DSN1: variants seen among roughly 807,000 people sequenced by gnomAD.
DSN1 encodes DSN1 component of MIS12 kinetochore complex, also known as kinetochore-associated protein DSN1 homolog.
Under a neutral mutation model 45.7 loss-of-function variants are expected in DSN1, and 31 were observed. The ratio of observed to expected loss-of-function variants is 0.68; its 90% CI spans 0.51 to 0.92. The LOEUF is 0.92. Ranked by LOEUF, DSN1 falls within the 40% of genes least tolerant of loss-of-function variation. The pLI, the probability that DSN1 is intolerant of heterozygous loss-of-function variation, is 0.00. For synonymous variants in DSN1, 134 were observed against 142.3 expected (o/e 0.94, Z 0.41); for missense variants, 394 against 414.2 (o/e 0.95, Z 0.42).
chr20:36,768,084 C>A, intron 3 of DSN1, 42 bp from the exon 4 acceptor site: 3 of 1,597,206 alleles, frequency 1.9e-6, no homozygotes, highest in Non-Finnish European at 2.6e-6. Flanking sequence ...TGGATAGTTA[C>A]ATAGTTAGCA....
intron 5 of DSN1, 78 bp from the exon 6 acceptor site, chr20:36,762,626 AAGGTAGTCTCAG>A: frequency 7.4e-7 from 1 of 1,346,506 alleles, no homozygotes; most frequent in Non-Finnish European, 1.0e-6. Context: ...AAGGTATATT[AAGGTAGTCTCAG>A]CTCTAGGTAC....
At chr20:36,765,814 T>G (rs1181296615) in intron 5 of DSN1, among the ~76,000 whole-genome samples, 2 of 136,448 alleles carry the variant, frequency 1.5e-5, no homozygotes, top group Non-Finnish European at 3.2e-5. Flanking sequence ...AAAAAAAAAT[T>G]CATTACATTA....
chr20:36,754,934 G>A, intron 9 of DSN1, 84 bp from the exon 10 acceptor site: 1 of 1,167,650 alleles, frequency 8.6e-7, no homozygotes, highest in Non-Finnish European at 1.3e-6. Context: ...CTCTTGCTCA[G>A]GAGCTCTGGG....
At chr20:36,766,735 A>C in intron 5 of DSN1, 34 bp downstream of exon 5, 1 of 1,570,752 alleles carries the variant, frequency 6.4e-7, no homozygotes. Context: ...TTGACTGCCC[A>C]GGGTCAAAGC....
intron 4 of DSN1, among the ~76,000 whole-genome samples, chr20:36,767,566 G>C (rs1248650203): frequency 2.6e-5 from 4 of 151,990 alleles, no homozygotes; most frequent in Non-Finnish European, 5.9e-5. Flanking sequence ...AGGCATTCAA[G>C]ACCAGCCTGG....
chr20:36,756,925 T>G (rs1186086000), intron 8 of DSN1, among the ~76,000 whole-genome samples: 1 of 152,196 alleles, frequency 6.6e-6, no homozygotes, highest in Non-Finnish European at 1.5e-5. Flanking sequence ...CAAACCATGC[T>G]CCTCAAAGCC....
intron 3 of DSN1, among the ~76,000 whole-genome samples, chr20:36,770,171 C>T (rs1049114926): frequency 6.6e-6 from 1 of 152,068 alleles, no homozygotes; most frequent in Non-Finnish European, 1.5e-5. Context: ...CCCAAGTGAT[C>T]CTCTTGCCTC....
At chr20:36,757,945 G>A in intron 8 of DSN1, 142 bp downstream of exon 8, 1 of 745,500 alleles carries the variant, frequency 1.3e-6, no homozygotes. Flanking sequence ...GTCAGAGAGT[G>A]CTAATACACA....
chr20:36,762,526 C>T lies in DSN1; in HGVS notation c.525G>A (p.Leu175=). The T allele has an allele frequency of 6.2e-7, 1 of 1,613,614 alleles. No individual in the cohort carries two copies. The highest frequency in any genetic ancestry group is 2.2e-5 in the East Asian group (1 of 44,850). Reference sequence around the variant, plus strand: ...TTTCCAGTCCGTCTGCAAAATGTTTCAATTCTTCAGAAAGAGAAGATGCTA... The same window carrying T: ...TTTCCAGTCCGTCTGCAAAATGTTTTAATTCTTCAGAAAGAGAAGATGCTA... The part of the protein sequence containing the change: ...RAKASSLSEE[L]KHFADGLETD... Residue 175 remains leucine (L), a synonymous_variant, in exon 6 of 11, where the codon TTG becomes TTA. Coordinates refer to ENST00000373750, the MANE Select transcript of DSN1 (RefSeq NM_001145315.2).
intron 6 of DSN1, among the ~76,000 whole-genome samples, chr20:36,760,542 A>T (rs76060786): frequency 0.028 from 4,257 of 152,302 alleles, 240 homozygotes; most frequent in African/African-American, 0.098. Flanking sequence ...CCTGAGACAC[A>T]CAGCCATTAC....
chr20:36,762,916 G>A (rs1987079035), intron 5 of DSN1, among the ~76,000 whole-genome samples: 1 of 152,050 alleles, frequency 6.6e-6, no homozygotes, highest in South Asian at 2.1e-4. Flanking sequence ...ACCATGCCCA[G>A]CTAAATTTTG....
In DSN1 at chr20:36,752,350, A is replaced by G. The variant is rs1986424386; in HGVS notation, c.*438T>C. On this transcript the variant is annotated 3_prime_UTR_variant, in exon 11 of 11. Coordinates refer to ENST00000373750, the MANE Select transcript of DSN1 (RefSeq NM_001145315.2). ...ATTACAGGCGTGAGCCATTGCGCCC[A>G]GCCTCAAAACTCTTCTACCTAAAAT... The G allele has an allele frequency of 6.5e-6, 1 of 153,834 alleles. No individual in the cohort carries two copies. The highest frequency in any genetic ancestry group is 2.4e-5 in the African/African-American group (1 of 41,472). The allele number at this position is 153,834 out of a possible 1,614,324, so 9.5% of individuals were successfully genotyped here.
chr20:36,755,569 T>G, intron 9 of DSN1, 113 bp downstream of exon 9: 1 of 1,259,914 alleles, frequency 7.9e-7, no homozygotes, highest in Non-Finnish European at 1.1e-6. Context: ...TAAGGTAGAG[T>G]TGAATATACA....
Position 36,755,714 on chromosome 20 carries a change from G to C in DSN1, c.841C>G (p.Gln281Glu). ...TCCATACAGTCAAAGACTTTGCTCT[G>C]GTTCTGTAATATTTTCTGGTAGTCA... The part of the protein sequence containing the change: ...KPDYQKILQN[Q>E]SKVFDCMELV... The change falls in exon 9 of 11, where the codon CAG (glutamine) becomes GAG (glutamate). Residue 281 changes from glutamine (Q) to glutamate (E), a missense_variant. Transcript: ENST00000373750. 1 of 1,613,896 alleles carries C rather than the reference G, an allele frequency of 6.2e-7. No homozygotes were observed. Among genetic ancestry groups the C allele is most frequent in the Non-Finnish European group, 8.5e-7 (1 of 1,179,972 alleles).
chr20:36,762,446 G>T lies in DSN1; in HGVS notation c.590+15C>A. On this transcript the variant is annotated intron_variant, in intron 6 of 10. Transcript: ENST00000373750. Reference sequence around the variant, plus strand: ...ATTCAATCATAATTTAGGACAGAAGGGGAACTGCTCTTACCCATTTGAATC... The same window carrying T: ...ATTCAATCATAATTTAGGACAGAAGTGGAACTGCTCTTACCCATTTGAATC... 1 of 1,609,340 alleles carries T rather than the reference G, an allele frequency of 6.2e-7. No individual in the cohort carries two copies. The highest frequency in any genetic ancestry group is 8.5e-7 in the Non-Finnish European group (1 of 1,177,282).
At position 36,758,697 on chromosome 20, in the gene DSN1, A is replaced by C. The variant is rs1986808428; in HGVS notation, c.591-80T>G. The stretch of plus-strand genomic sequence containing the variant: ...ATAATCGCTTATAAATTAGTTATTT[A>C]TTTATTTCAGACGGAGTTTCCCTCT... On this transcript the variant is annotated intron_variant, in intron 6 of 10. Coordinates refer to ENST00000373750, the MANE Select transcript of DSN1 (RefSeq NM_001145315.2). The C allele has an allele frequency of 2.7e-5, 37 of 1,371,132 alleles. No individual in the cohort carries two copies. The South Asian group carries it at 4.1e-4, about 15-fold the overall frequency. 84.9% of individuals were successfully genotyped at this position (1,371,132 alleles called of 1,614,324 possible). A position where few individuals can be genotyped will look rare whatever the true frequency, so the allele number is the denominator to read the frequency against.
In DSN1 at chr20:36,762,524, T is replaced by G. The variant is rs1987053905; in HGVS notation, c.527A>C (p.Lys176Thr). ...AGTTTCCAGTCCGTCTGCAAAATGTTTCAATTCTTCAGAAAGAGAAGATGC... is the reference window on the plus strand; with the variant it reads ...AGTTTCCAGTCCGTCTGCAAAATGTGTCAATTCTTCAGAAAGAGAAGATGC... ...AKASSLSEEL[K>T]HFADGLETDG... The change falls in exon 6 of 11, where the codon AAA (lysine) becomes ACA (threonine). Residue 176 changes from lysine to threonine, a missense_variant. Transcript: ENST00000373750. 6.2e-7 allele frequency: 1 copy of G among 1,613,798 alleles called. No individual in the cohort carries two copies. Among genetic ancestry groups the G allele is most frequent in the East Asian group, 2.2e-5 (1 of 44,866 alleles).
chr20:36,763,646 T>G (rs193009257), intron 5 of DSN1, among the ~76,000 whole-genome samples: 6 of 151,320 alleles, frequency 4.0e-5, no homozygotes, highest in Non-Finnish European at 7.4e-5. Flanking sequence ...CCCAGCACTT[T>G]GGGAGGCCAA....
In DSN1 at chr20:36,755,672, G is replaced by C; in HGVS notation, c.873+10C>G. 6.2e-7 allele frequency: 1 copy of C among 1,608,948 alleles called. No individual in the cohort carries two copies. Among genetic ancestry groups the C allele is most frequent in the Non-Finnish European group, 8.5e-7 (1 of 1,177,988 alleles). On this transcript the variant is annotated intron_variant, in intron 9 of 10. Coordinates refer to ENST00000373750, the MANE Select transcript of DSN1 (RefSeq NM_001145315.2). Reference sequence around the variant, plus strand: ...GGATAACTCAACTAAATAAACATGAGCCCACTTACCACCAACTCCATACAG... The same window carrying C: ...GGATAACTCAACTAAATAAACATGACCCCACTTACCACCAACTCCATACAG...
Sources: gnomAD v4.1 joint callset for allele counts (sites outside exome capture counted in the v4.1 genomes callset) on GRCh38, gnomAD v4.1.1 for gene constraint, MANE v1.5 for transcripts, NCBI Gene and HGNC (gene_info 2026-07-23, HGNC 2026-07-21) for gene names.